The following CDR2L variants were observed in gnomAD, a reference collection of about 807,000 sequenced individuals.
The protein encoded by CDR2L is cerebellar degeneration related protein 2 like, also known as cerebellar degeneration-related protein 2-like.
CDR2L carries 19 observed loss-of-function variants against 36.1 expected under a neutral mutation model. That is an observed-to-expected ratio of 0.53 (90% confidence interval 0.37 to 0.77). The LOEUF (loss-of-function observed/expected upper bound fraction) is 0.77. CDR2L is among the 30% of genes least tolerant of loss of function. The pLI, the probability that CDR2L is intolerant of heterozygous loss-of-function variation, is 0.00. For missense variants in CDR2L, 575 were observed against 627.2 expected, an observed-to-expected ratio of 0.92 and a Z score of 0.89; for synonymous variants, 285 against 280.4, an observed-to-expected ratio of 1.02 and a Z score of -0.16.
chr17:74,991,507 G>C (rs767684045), intron 1 of CDR2L, among the ~76,000 whole-genome samples: 3 of 150,996 alleles, frequency 2.0e-5, no homozygotes, highest in Admixed American at 6.6e-5. Context: ...CACAACATCA[G>C]GAGATCGAAA....
At chr17:75,001,300 G>C in intron 2 of CDR2L, 41 bp from the exon 3 acceptor site, 1 of 1,561,188 alleles carries the variant, frequency 6.4e-7, no homozygotes, top group Non-Finnish European at 8.7e-7. Flanking sequence ...ATTTGCCCCT[G>C]CCCAATTCTA....
intron 1 of CDR2L, 107 bp from the exon 2 acceptor site, chr17:74,999,397 G>T (rs1345740848): frequency 2.8e-6 from 2 of 702,116 alleles, no homozygotes; most frequent in African/African-American, 3.5e-5. Flanking sequence ...CCCAGGCCTG[G>T]AGGCTCCCAG....
rs777404231 is a variant in CDR2L, at chr17:75,002,042, G to A, written c.342-22G>A. 7 of 1,543,162 alleles carry A rather than the reference G, an allele frequency of 4.5e-6. No homozygotes were observed. In the South Asian group the frequency reaches 8.7e-5, roughly 19 times the overall value. On this transcript the variant is annotated intron_variant, in intron 3 of 4. Transcript: ENST00000337231. The surrounding 1 kb of genome is among the most constrained non-coding windows in gnomAD (Gnocchi z 4.1). ...GGCCCCATCCCCTTAAAGTCCCTGT[G>A]TGTCCACCACCCCGCCCCCAGGCTG... is the stretch of plus-strand genomic sequence containing the variant.
chr17:75,000,437 C>T (rs1348322280), intron 2 of CDR2L, among the ~76,000 whole-genome samples: 3 of 150,218 alleles, frequency 2.0e-5, no homozygotes, highest in Non-Finnish European at 4.4e-5. Context: ...GCTGGGACTA[C>T]AGGCGCCCAC....
Position 75,003,600 on chromosome 17 carries a change from TC to T in CDR2L, c.926del (p.Pro309GlnfsTer63). ...QDGVSSPAAS[P>X]GHVVRKSCSD... ...ACGGGGTCTCCTCACCGGCAGCCTC[TC>T]CAGGCCACGTGGTGCGCAAGAGCTG... On this transcript the variant is annotated frameshift_variant, in exon 5 of 5. Coordinates refer to ENST00000337231, the MANE Select transcript of CDR2L (RefSeq NM_014603.3). LOFTEE classifies it high-confidence loss of function. 1 of 1,497,524 alleles carries T rather than the reference TC, an allele frequency of 6.7e-7. No homozygotes were observed. Among genetic ancestry groups the T allele is most frequent in the Admixed American group, 2.3e-5 (1 of 42,650 alleles). 92.8% of individuals were successfully genotyped at this position (1,497,524 alleles called of 1,614,324 possible).
intron 1 of CDR2L, among the ~76,000 whole-genome samples, chr17:74,990,810 C>T (rs1360036938): frequency 6.6e-6 from 1 of 152,244 alleles, no homozygotes; most frequent in Non-Finnish European, 1.5e-5. Context: ...CAAAGGCCAG[C>T]CATATTGGGT....
chr17:74,998,486 C>T (rs1384993094), intron 1 of CDR2L, among the ~76,000 whole-genome samples: 1 of 151,748 alleles, frequency 6.6e-6, no homozygotes, highest in Non-Finnish European at 1.5e-5. Flanking sequence ...CCTGTGAATA[C>T]TCACTGCACC....
rs750133939 is a variant in CDR2L at position 74,994,897 on chromosome 17, C to T, written c.80-4607C>T. On this transcript the variant is annotated intron_variant, in intron 1 of 4. Transcript: ENST00000337231. The stretch of plus-strand genomic sequence containing the variant: ...CATCCTGGCCAACATGGTGAAACCC[C>T]GTCTCTACTAAAAATACAAAAATTA... 3.3e-5 allele frequency among the ~76,000 whole-genome samples: 5 copies of T among 151,964 alleles called. No individual in the cohort carries two copies. In the East Asian group the frequency reaches 5.8e-4, roughly 18 times the overall value.
Position 75,004,041 on chromosome 17 carries a change from C to T in CDR2L, c.1365C>T (p.Asn455=), listed in dbSNP as rs375015094. The change falls in exon 5 of 5, where the codon AAC becomes AAT. Residue 455 remains asparagine, a synonymous_variant. Transcript: ENST00000337231. The stretch of plus-strand genomic sequence containing the variant: ...TCCAGAAGACCAAGGCTGACATCAA[C>T]GCCACCAAAGTCAAGACGCACAGCA... ...SRIQKTKADI[N]ATKVKTHSSK 1.6e-5 allele frequency: 26 copies of T among 1,610,720 alleles called. No homozygotes were observed. Among genetic ancestry groups the T allele is most frequent in the East Asian group, 6.7e-5 (3 of 44,790 alleles).
At chr17:75,001,871 A>C (rs1205498895) in intron 3 of CDR2L, among the ~76,000 whole-genome samples, 193 bp from the exon 4 acceptor site, 1 of 152,212 alleles carries the variant, frequency 6.6e-6, no homozygotes. Context: ...AGCTCGCCTG[A>C]GAGGTACAAA....
In CDR2L at chr17:75,002,281, G is replaced by A. The variant is rs2039872209; in HGVS notation, c.506+53G>A. On this transcript the variant is annotated intron_variant, in intron 4 of 4. Coordinates refer to ENST00000337231, the MANE Select transcript of CDR2L (RefSeq NM_014603.3). This position sits in a 1 kb window ranked among gnomAD's most constrained non-coding sequence, Gnocchi z 4.1. ...TGGGATTGCCAGCCATGGGAGGAAGGAGAGGCAGCAGGCAGCAGGGTGCAG... is the reference window on the plus strand; with the variant it reads ...TGGGATTGCCAGCCATGGGAGGAAGAAGAGGCAGCAGGCAGCAGGGTGCAG... 3.9e-6 allele frequency: 6 copies of A among 1,533,038 alleles called. No homozygotes were observed. In the Admixed American group the frequency reaches 9.5e-5, roughly 24 times the overall value. The allele number at this position is 1,533,038 out of a possible 1,614,324, so 95.0% of individuals were successfully genotyped here.
chr17:75,001,956 G>A, intron 3 of CDR2L, 108 bp from the exon 4 acceptor site: 1 of 958,084 alleles, frequency 1.0e-6, no homozygotes, highest in South Asian at 1.9e-5. Flanking sequence ...AAGGGTACCT[G>A]TCTGCCTCCT....
intron 4 of CDR2L, 65 bp from the exon 5 acceptor site, chr17:75,003,118 G>GCCGTGC: frequency 6.6e-7 from 1 of 1,514,518 alleles, no homozygotes; most frequent in Admixed American, 2.1e-5. Flanking sequence ...CTCGGCCTTG[G>GCCGTGC]CCGTGCCCGT....
intron 1 of CDR2L, among the ~76,000 whole-genome samples, chr17:74,992,186 G>A (rs766773713): frequency 1.3e-5 from 2 of 152,072 alleles, no homozygotes; most frequent in Non-Finnish European, 2.9e-5. Flanking sequence ...GAGCCAGTGA[G>A]GGACAGTGGG....
chr17:74,988,257 T>A (rs905792795), intron 1 of CDR2L, 135 bp downstream of exon 1: 1 of 535,022 alleles, frequency 1.9e-6, no homozygotes, highest in Non-Finnish European at 3.2e-6. Flanking sequence ...GAGGGACGCG[T>A]CTGGAGAACC....
At position 74,988,001 on chromosome 17, in the gene CDR2L, C is replaced by T. The variant is rs2039773778; in HGVS notation, c.-43C>T. ...TTGTCCCGGGCCGCGCGCACCGGCCCTGAGCTGCGCCGCCGCAGCACCCGC... is the reference window on the plus strand; with the variant it reads ...TTGTCCCGGGCCGCGCGCACCGGCCTTGAGCTGCGCCGCCGCAGCACCCGC... On this transcript the variant is annotated 5_prime_UTR_variant, in exon 1 of 5. Coordinates refer to ENST00000337231, the MANE Select transcript of CDR2L (RefSeq NM_014603.3). 1.4e-6 allele frequency: 2 copies of T among 1,382,632 alleles called. No homozygotes were observed. Among genetic ancestry groups the T allele is most frequent in the Non-Finnish European group, 1.9e-6 (2 of 1,032,628 alleles). The allele number at this position is 1,382,632 out of a possible 1,614,324, so 85.6% of individuals were successfully genotyped here. A position where few individuals can be genotyped will look rare whatever the true frequency, so the allele number is the denominator to read the frequency against.
In CDR2L at chr17:75,003,719, G is replaced by C. The variant is rs527766119; in HGVS notation, c.1043G>C (p.Arg348Pro). ...LTLHANSVRK[R>P]GMSILREVDE... ...CTGCACGCCAACAGCGTGCGCAAGC[G>C]GGGCATGTCCATCCTGCGGGAGGTG... is the stretch of plus-strand genomic sequence containing the variant. The change falls in exon 5 of 5, where the codon CGG becomes CCG. Residue 348 changes from arginine to proline, a missense_variant. Transcript: ENST00000337231. 7.5e-6 allele frequency: 11 copies of C among 1,466,262 alleles called. No homozygotes were observed. The highest frequency in any genetic ancestry group is 2.0e-4 in the Middle Eastern group (1 of 4,964). The allele number at this position is 1,466,262 out of a possible 1,614,324, so 90.8% of individuals were successfully genotyped here.
intron 2 of CDR2L, among the ~76,000 whole-genome samples, chr17:75,000,163 C>A (rs2039856340): frequency 6.6e-6 from 1 of 152,096 alleles, no homozygotes; most frequent in South Asian, 2.1e-4. Flanking sequence ...GTGGTCCCAG[C>A]TACTCAAGAG....
intron 1 of CDR2L, among the ~76,000 whole-genome samples, chr17:74,998,412 T>C (rs1289920142): frequency 6.6e-6 from 1 of 151,434 alleles, no homozygotes; most frequent in Non-Finnish European, 1.5e-5. Context: ...TATGTTGCCC[T>C]GGGAGGCTGA....
Sources: gnomAD v4.1 joint callset for allele counts (sites outside exome capture counted in the v4.1 genomes callset) on GRCh38, gnomAD v4.1.1 for gene constraint, Gnocchi (gnomAD v3.1) non-coding constraint, MANE v1.5 for transcripts, NCBI Gene and HGNC (gene_info 2026-07-23, HGNC 2026-07-21) for gene names.